Variants in SLC39A11 observed in about 807,000 individuals in gnomAD.
SLC39A11 encodes the protein zinc transporter ZIP11.
In SLC39A11, 33 loss-of-function variants were observed where a neutral mutation model predicts 36.1. The ratio of observed to expected loss-of-function variants is 0.91; its 90% CI spans 0.69 to 1.22. The LOEUF (loss-of-function observed/expected upper bound fraction) is 1.22. SLC39A11 is among the 50% of genes most tolerant of loss of function. The pLI, the probability that SLC39A11 is intolerant of heterozygous loss-of-function variation, is 0.00. For synonymous variants in SLC39A11, 166 were observed against 170.3 expected (o/e 0.97, Z 0.20); for missense variants, 432 against 430.3 (o/e 1.00, Z -0.03).
At chr17:72,988,603 G>A (rs1190685716) in intron 4 of SLC39A11, among the ~76,000 whole-genome samples, 1 of 151,754 alleles carries the variant, frequency 6.6e-6, no homozygotes, top group East Asian at 1.9e-4. Context: ...TCTGAAACTC[G>A]GTACCTTTTA....
At chr17:72,932,057 C>A (rs574283289) in intron 5 of SLC39A11, among the ~76,000 whole-genome samples, 1 of 152,300 alleles carries the variant, frequency 6.6e-6, no homozygotes, top group African/African-American at 2.4e-5. Context: ...CACATTTGTA[C>A]ATCCAGGCTC....
At chr17:72,897,255 G>A (rs73996037) in intron 5 of SLC39A11, among the ~76,000 whole-genome samples, 121 of 152,208 alleles carry the variant, frequency 7.9e-4, no homozygotes, top group African/African-American at 2.9e-3. Flanking sequence ...GGACATCGGA[G>A]GTGGGAAAAG....
intron 7 of SLC39A11, among the ~76,000 whole-genome samples, chr17:72,666,792 C>T (rs989162305): frequency 6.6e-6 from 1 of 152,210 alleles, no homozygotes; most frequent in Non-Finnish European, 1.5e-5. Flanking sequence ...CCCTTCCCTC[C>T]GTGGCTGAGA....
chr17:72,692,777 A>ATGAGATACTTG (rs1314713035), intron 7 of SLC39A11, among the ~76,000 whole-genome samples: 1 of 152,184 alleles, frequency 6.6e-6, no homozygotes, highest in Non-Finnish European at 1.5e-5. Flanking sequence ...ATCAATGTCC[A>ATGAGATACTTG]TGAGATACTT....
At chr17:73,022,366 G>A (rs1452852636) in intron 4 of SLC39A11, among the ~76,000 whole-genome samples, 1 of 152,118 alleles carries the variant, frequency 6.6e-6, no homozygotes, top group Admixed American at 6.5e-5. Context: ...GGGCCAAGGC[G>A]GGCAAATCAC....
intron 6 of SLC39A11, among the ~76,000 whole-genome samples, chr17:72,809,722 C>A (rs1028571244): frequency 3.3e-5 from 5 of 152,160 alleles, no homozygotes; most frequent in Non-Finnish European, 5.9e-5. Flanking sequence ...CACATTTAAA[C>A]AAGGTCTGCT....
At chr17:72,920,299 G>T (rs1473086528) in intron 5 of SLC39A11, among the ~76,000 whole-genome samples, 1 of 150,136 alleles carries the variant, frequency 6.7e-6, no homozygotes, top group Non-Finnish European at 1.5e-5. Context: ...ATCTTACTAG[G>T]ACTTCTGAAG....
chr17:73,089,973 G>GT (rs1405375772), intron 1 of SLC39A11, among the ~76,000 whole-genome samples: 3 of 152,180 alleles, frequency 2.0e-5, no homozygotes, highest in African/African-American at 7.2e-5. Context: ...GAAAAGCCCT[G>GT]TGTTCTGGTA....
At chr17:72,801,627 G>A (rs2077087172) in intron 6 of SLC39A11, among the ~76,000 whole-genome samples, 1 of 152,198 alleles carries the variant, frequency 6.6e-6, no homozygotes, top group Admixed American at 6.5e-5. Context: ...GAACTGTATG[G>A]TATGTGAATT....
intron 5 of SLC39A11, among the ~76,000 whole-genome samples, chr17:72,859,967 G>A (rs949258067): frequency 7.4e-6 from 1 of 135,390 alleles, no homozygotes; most frequent in Non-Finnish European, 1.6e-5. Flanking sequence ...CAGCCTGGGC[G>A]ACAGAGTGAG....
At chr17:72,951,948 G>C (rs2085891818) in intron 4 of SLC39A11, among the ~76,000 whole-genome samples, 1 of 151,866 alleles carries the variant, frequency 6.6e-6, no homozygotes, top group Non-Finnish European at 1.5e-5. Flanking sequence ...CTTTATTTCG[G>C]CGTTTTCGGG....
intron 6 of SLC39A11, among the ~76,000 whole-genome samples, chr17:72,844,674 A>C (rs1038362655): frequency 1.7e-4 from 26 of 152,176 alleles, no homozygotes; most frequent in Admixed American, 6.5e-4. Context: ...TCTCAAAAAC[A>C]AAAAACAAAA....
chr17:72,935,453 C>T (rs1469924432), intron 5 of SLC39A11, among the ~76,000 whole-genome samples: 1 of 152,064 alleles, frequency 6.6e-6, no homozygotes, highest in South Asian at 2.1e-4. Flanking sequence ...ATGGAACTCT[C>T]CTATGGTGAT....
chr17:72,927,115 T>C (rs2084095072), intron 5 of SLC39A11, among the ~76,000 whole-genome samples: 1 of 152,080 alleles, frequency 6.6e-6, no homozygotes. Context: ...GGTGTGATCT[T>C]AGCTCACAGC....
chr17:72,821,170 G>A (rs1480841989), intron 6 of SLC39A11, among the ~76,000 whole-genome samples: 3 of 150,426 alleles, frequency 2.0e-5, no homozygotes, highest in Non-Finnish European at 3.0e-5. Context: ...ATGCAGTAGG[G>A]TGGGCTTCTA....
intron 7 of SLC39A11, among the ~76,000 whole-genome samples, chr17:72,704,718 G>GA (rs1387578849): frequency 2.6e-5 from 4 of 151,880 alleles, no homozygotes; most frequent in Non-Finnish European, 5.9e-5. Context: ...AGTTCCCTGG[G>GA]GGGTCCTCTT....
At chr17:72,768,499 G>A (rs2075827125) in intron 6 of SLC39A11, among the ~76,000 whole-genome samples, 1 of 152,144 alleles carries the variant, frequency 6.6e-6, no homozygotes, top group Non-Finnish European at 1.5e-5. Flanking sequence ...AGAGGCAGAG[G>A]GTAGCCTCCC....
chr17:73,081,108 TCAAA>T (rs1478243305), intron 3 of SLC39A11, among the ~76,000 whole-genome samples: 1 of 151,812 alleles, frequency 6.6e-6, no homozygotes, highest in Non-Finnish European at 1.5e-5. Context: ...TACAAGGAAC[TCAAA>T]CAAATCAGCA....
intron 4 of SLC39A11, among the ~76,000 whole-genome samples, chr17:72,953,513 T>A (rs1436786533): frequency 2.0e-5 from 3 of 152,090 alleles, no homozygotes; most frequent in Admixed American, 6.5e-5. Context: ...TGGCCTGCTG[T>A]CCCAGGCAGG....
Sources: allele counts gnomAD v4.1 joint callset (sites outside exome capture counted in the v4.1 genomes callset), GRCh38; gene constraint gnomAD v4.1.1; transcripts MANE v1.5; gene names NCBI Gene and HGNC (gene_info 2026-07-23, HGNC 2026-07-21).